The following PACRG variants were observed in gnomAD, a reference collection of about 807,000 sequenced individuals.
The protein encoded by PACRG is parkin coregulated gene protein.
In PACRG, 29 loss-of-function variants were observed where a neutral mutation model predicts 29.7. That is an observed-to-expected ratio of 0.98 (90% confidence interval 0.73 to 1.33). The LOEUF (loss-of-function observed/expected upper bound fraction) is 1.33, where lower values mean the gene tolerates loss of function less well. Ranked by LOEUF, PACRG falls within the 40% of genes most tolerant of loss-of-function variation. PACRG has a pLI of 0.00. For missense variants in PACRG, 279 were observed against 316.2 expected, an observed-to-expected ratio of 0.88 and a Z score of 0.89; for synonymous variants, 116 against 118.7, an observed-to-expected ratio of 0.98 and a Z score of 0.15.
chr6:163,290,275 C>CGT (rs1386432416), intron 4 of PACRG, among the ~76,000 whole-genome samples: 4 of 114,148 alleles, frequency 3.5e-5, no homozygotes, highest in African/African-American at 7.7e-5. Flanking sequence ...CACGCGCGCG[C>CGT]GCGCACACAC....
At chr6:163,084,851 C>CATATATATAATATATATATTAT (rs1003479257) in intron 3 of PACRG, among the ~76,000 whole-genome samples, 33 of 138,696 alleles carry the variant, frequency 2.4e-4, no homozygotes, top group Non-Finnish European at 3.0e-4. Flanking sequence ...CATATGTGTG[C>CATATATATAATATATATATTAT]ATATATATAA....
At chr6:162,879,512 T>A (rs1252572295) in intron 2 of PACRG, among the ~76,000 whole-genome samples, 1 of 152,080 alleles carries the variant, frequency 6.6e-6, no homozygotes, top group African/African-American at 2.4e-5. Context: ...CTAAAACTGA[T>A]CTATTCTGTT....
chr6:163,240,413 G>T (rs1782454388), intron 4 of PACRG, among the ~76,000 whole-genome samples: 1 of 152,150 alleles, frequency 6.6e-6, no homozygotes, highest in African/African-American at 2.4e-5. Flanking sequence ...TCCCGTCCTC[G>T]TGAAGACTTC....
intron 4 of PACRG, among the ~76,000 whole-genome samples, chr6:163,129,803 C>T (rs6901757): frequency 0.012 from 1,761 of 151,376 alleles, 39 homozygotes; most frequent in African/African-American, 0.041. Context: ...TCCTCATCTA[C>T]ATCATAAGGG....
intron 1 of PACRG, among the ~76,000 whole-genome samples, chr6:162,791,415 A>G (rs1584369233): frequency 6.8e-6 from 1 of 147,692 alleles, no homozygotes; most frequent in Admixed American, 7.0e-5. Flanking sequence ...TCTCTACCCC[A>G]TAGGTAATTT....
At chr6:162,734,625 C>T (rs1780022271) in intron 1 of PACRG, among the ~76,000 whole-genome samples, 1 of 152,124 alleles carries the variant, frequency 6.6e-6, no homozygotes, top group Non-Finnish European at 1.5e-5. Flanking sequence ...GCTTTTCCAA[C>T]CAATCTTATG....
chr6:163,274,292 T>G (rs1783948650), intron 4 of PACRG, among the ~76,000 whole-genome samples: 1 of 152,218 alleles, frequency 6.6e-6, no homozygotes, highest in Admixed American at 6.5e-5. Context: ...TTGTTTATTT[T>G]GTCCTTGCGA....
At chr6:162,963,245 C>G (rs1332484896) in intron 2 of PACRG, among the ~76,000 whole-genome samples, 1 of 152,056 alleles carries the variant, frequency 6.6e-6, no homozygotes, top group Non-Finnish European at 1.5e-5. Flanking sequence ...TTATTAATGA[C>G]TAACTCTACA....
At chr6:162,852,818 A>G (rs1791039191) in intron 2 of PACRG, among the ~76,000 whole-genome samples, 1 of 152,240 alleles carries the variant, frequency 6.6e-6, no homozygotes, top group South Asian at 2.1e-4. Context: ...ATATGCCAAC[A>G]ATCACATAGC....
In PACRG at chr6:162,800,103, T is replaced by C. The variant is rs78852635; in HGVS notation, c.157-14044T>C. Among the ~76,000 whole-genome samples, 1,306 of 152,296 alleles carry C rather than the reference T, an allele frequency of 8.6e-3. 22 individuals carry two copies. The highest frequency in any genetic ancestry group is 0.03 in the African/African-American group (1,253 of 41,578). On this transcript the variant is annotated intron_variant, in intron 1 of 4. Transcript: ENST00000366888. ...CAGATGCTAAATAGCATAGTCTAAATTGAAGTCTCTGATGACTCTCGGAGA... is the reference window on the plus strand; with the variant it reads ...CAGATGCTAAATAGCATAGTCTAAACTGAAGTCTCTGATGACTCTCGGAGA...
chr6:163,304,644 T>G (rs1785128974), intron 4 of PACRG, among the ~76,000 whole-genome samples: 2 of 152,170 alleles, frequency 1.3e-5, no homozygotes, highest in African/African-American at 2.4e-5. Context: ...GGGAGTAACA[T>G]TAGCCCTGAA....
At chr6:163,218,074 A>G (rs1308221592) in intron 4 of PACRG, among the ~76,000 whole-genome samples, 1 of 152,012 alleles carries the variant, frequency 6.6e-6, no homozygotes, top group African/African-American at 2.4e-5. Context: ...GGAAATTCAT[A>G]TTTGCACTCT....
At chr6:163,195,091 C>T (rs1351671492) in intron 4 of PACRG, among the ~76,000 whole-genome samples, 2 of 152,104 alleles carry the variant, frequency 1.3e-5, no homozygotes, top group Admixed American at 6.5e-5. Context: ...TCTCTTGACC[C>T]CGACTCTCAC....
chr6:163,076,131 G>C (rs568693), intron 3 of PACRG, among the ~76,000 whole-genome samples: 78,265 of 152,000 alleles, frequency 0.51, 23,641 homozygotes, highest in East Asian at 0.96. Context: ...TTGTCTTCCT[G>C]TGAAGAGTGT....
At chr6:162,919,989 T>C (rs1053021211) in intron 2 of PACRG, among the ~76,000 whole-genome samples, 3 of 152,180 alleles carry the variant, frequency 2.0e-5, no homozygotes, top group Non-Finnish European at 2.9e-5. Context: ...GTAGGTCCAC[T>C]GACCCCCATG....
chr6:162,895,917 A>G (rs1795131138), intron 2 of PACRG, among the ~76,000 whole-genome samples: 1 of 152,202 alleles, frequency 6.6e-6, no homozygotes, highest in African/African-American at 2.4e-5. Flanking sequence ...TGTAGTGTTT[A>G]CTGTGAAGAT....
intron 2 of PACRG, among the ~76,000 whole-genome samples, chr6:163,011,551 T>C (rs1805615526): frequency 6.6e-6 from 1 of 152,134 alleles, no homozygotes; most frequent in South Asian, 2.1e-4. Context: ...GGGCCTAGGG[T>C]ATCACTGTAC....
At chr6:162,890,971 T>C (rs1290354686) in intron 2 of PACRG, among the ~76,000 whole-genome samples, 4 of 152,182 alleles carry the variant, frequency 2.6e-5, no homozygotes, top group African/African-American at 7.2e-5. Context: ...ATCAGCTACA[T>C]CCTTTTGCAA....
intron 2 of PACRG, among the ~76,000 whole-genome samples, chr6:162,961,932 C>T (rs542041617): frequency 3.3e-5 from 5 of 152,254 alleles, no homozygotes; most frequent in Non-Finnish European, 7.3e-5. Context: ...CACACTCTTT[C>T]TCCTTAGTAA....
Sources: allele counts gnomAD v4.1 joint callset (sites outside exome capture counted in the v4.1 genomes callset), GRCh38; gene constraint gnomAD v4.1.1; transcripts MANE v1.5; gene names NCBI Gene and HGNC (gene_info 2026-07-23, HGNC 2026-07-21).